FAF1: variants seen among roughly 807,000 people sequenced by gnomAD.
The protein encoded by FAF1 is FAS-associated factor 1.
FAF1 carries 25 observed loss-of-function variants against 92.5 expected under a neutral mutation model. The ratio of observed to expected loss-of-function variants is 0.27; its 90% CI spans 0.20 to 0.38. FAF1 has a LOEUF of 0.38. FAF1 is among the 10% of genes least tolerant of loss of function. The pLI, the probability that FAF1 is intolerant of heterozygous loss-of-function variation, is 1.00. For missense variants in FAF1, 636 were observed against 793.3 expected (o/e 0.80, Z 2.38); for synonymous variants, 234 against 273.2 (o/e 0.86, Z 1.42).
intron 1 of FAF1, among the ~76,000 whole-genome samples, chr1:50,919,473 G>A (rs914498740): frequency 4.6e-5 from 7 of 152,076 alleles, no homozygotes; most frequent in East Asian, 1.9e-4. Context: ...AAGGCTGCCG[G>A]GGGGTAAATA....
chr1:50,701,591 A>G (rs1657476870), intron 7 of FAF1, among the ~76,000 whole-genome samples: 1 of 152,118 alleles, frequency 6.6e-6, no homozygotes, highest in African/African-American at 2.4e-5. Context: ...GCAAGTTAAG[A>G]AAGTAGCAAG....
chr1:50,525,074 C>T (rs1261213970), intron 15 of FAF1, among the ~76,000 whole-genome samples: 1 of 152,068 alleles, frequency 6.6e-6, no homozygotes, highest in Non-Finnish European at 1.5e-5. Context: ...TTAATAGAAG[C>T]AGGGTTTCTC....
chr1:50,915,848 T>A (rs1020418888), intron 1 of FAF1, among the ~76,000 whole-genome samples: 1 of 152,076 alleles, frequency 6.6e-6, no homozygotes, highest in Non-Finnish European at 1.5e-5. Context: ...AAAGGTGAGA[T>A]CCACAGTCCC....
chr1:50,489,314 G>A (rs1205564289), intron 17 of FAF1, among the ~76,000 whole-genome samples: 1 of 152,240 alleles, frequency 6.6e-6, no homozygotes, highest in Admixed American at 6.5e-5. Context: ...CTTTGACTGA[G>A]AGTAATAACT....
chr1:50,712,850 C>T (rs1206067961), intron 6 of FAF1, among the ~76,000 whole-genome samples: 1 of 151,814 alleles, frequency 6.6e-6, no homozygotes, highest in Non-Finnish European at 1.5e-5. Flanking sequence ...ATGGTTAAGC[C>T]ACCTTGGAGC....
At chr1:50,944,120 A>T (rs1645155653) in intron 1 of FAF1, among the ~76,000 whole-genome samples, 1 of 152,212 alleles carries the variant, frequency 6.6e-6, no homozygotes, top group Admixed American at 6.5e-5. Flanking sequence ...ATGAGATGGG[A>T]GTAAAGAAGT....
chr1:50,958,827 G>C (rs1196692096), intron 1 of FAF1, among the ~76,000 whole-genome samples: 1 of 152,184 alleles, frequency 6.6e-6, no homozygotes, highest in Non-Finnish European at 1.5e-5. Flanking sequence ...AAAAAAGAGG[G>C]AAAAGTCTGC....
intron 7 of FAF1, among the ~76,000 whole-genome samples, chr1:50,689,989 ATTTCT>A (rs1318727215): frequency 1.6e-4 from 21 of 134,978 alleles, no homozygotes; most frequent in African/African-American, 5.5e-4. Flanking sequence ...ATTACATTAT[ATTTCT>A]TTTTTTTTTT....
intron 4 of FAF1, among the ~76,000 whole-genome samples, chr1:50,785,053 T>C (rs1270367563): frequency 7.7e-6 from 1 of 130,266 alleles, no homozygotes; most frequent in Non-Finnish European, 1.5e-5. Context: ...ATTAAAGACA[T>C]AAACATAAGA....
chr1:50,952,087 C>CTCTCCCTCTCCCCTTTCTACGGTCTCCA (rs1645218827), intron 1 of FAF1, among the ~76,000 whole-genome samples: 1 of 152,018 alleles, frequency 6.6e-6, no homozygotes, highest in Non-Finnish European at 1.5e-5. Flanking sequence ...AAATTTGGCC[C>CTCTCCCTCTCCCCTTTCTACGGTCTCCA]TCTCCCTCTC....
chr1:50,769,322 T>C (rs1319697449), intron 4 of FAF1, among the ~76,000 whole-genome samples: 1 of 152,070 alleles, frequency 6.6e-6, no homozygotes, highest in Admixed American at 6.6e-5. Flanking sequence ...AACCAGACAA[T>C]GCCCAGGACC....
At chr1:50,730,252 AT>A (rs1226182439) in intron 6 of FAF1, among the ~76,000 whole-genome samples, 2 of 152,022 alleles carry the variant, frequency 1.3e-5, no homozygotes, top group Non-Finnish European at 2.9e-5. Flanking sequence ...AAAGACATGG[AT>A]ATTTCATTGT....
At chr1:50,932,788 C>G (rs571750816) in intron 1 of FAF1, among the ~76,000 whole-genome samples, 5 of 152,356 alleles carry the variant, frequency 3.3e-5, no homozygotes, top group African/African-American at 1.2e-4. Context: ...TCCACGAGAG[C>G]CCCACCCCTG....
chr1:50,694,792 C>CAA (rs371721063), intron 7 of FAF1, among the ~76,000 whole-genome samples: 1,046 of 55,790 alleles, frequency 0.019, 5 homozygotes, highest in Middle Eastern at 0.12. Flanking sequence ...CTAAAAAATA[C>CAA]AAAAAAAAAA....
chr1:50,749,596 A>G (rs1021333068), intron 4 of FAF1, among the ~76,000 whole-genome samples: 4 of 152,186 alleles, frequency 2.6e-5, no homozygotes, highest in Non-Finnish European at 5.9e-5. Context: ...GACCAACATG[A>G]GCAACACAGC....
Position 50,831,655 on chromosome 1 carries a change from A to T in FAF1, c.114+26274T>A, listed in dbSNP as rs74080095. Among the ~76,000 whole-genome samples the T allele has an allele frequency of 7.7e-3, 1,178 of 152,278 alleles. 13 individuals are homozygous for T. The highest frequency in any genetic ancestry group is 0.027 in the African/African-American group (1,138 of 41,566). ...AGTAGCTTCCTATAGTGGGTTGAAT[A>T]GTGTGTCTAAAAAATTCATGTCTTT... On this transcript the variant is annotated intron_variant, in intron 2 of 18. Coordinates refer to ENST00000396153, the MANE Select transcript of FAF1 (RefSeq NM_007051.3).
At chr1:50,735,254 A>G (rs1031331093) in intron 6 of FAF1, among the ~76,000 whole-genome samples, 1 of 152,212 alleles carries the variant, frequency 6.6e-6, no homozygotes, top group African/African-American at 2.4e-5. Flanking sequence ...GTGATTTATA[A>G]TAGAATTTAT....
intron 7 of FAF1, among the ~76,000 whole-genome samples, chr1:50,665,149 T>A (rs1569714352): frequency 6.6e-6 from 1 of 152,330 alleles, no homozygotes. Flanking sequence ...ATTTTAGAAA[T>A]AACTGGAACA....
At chr1:50,531,203 C>T (rs1648147105) in intron 15 of FAF1, among the ~76,000 whole-genome samples, 2 of 152,150 alleles carry the variant, frequency 1.3e-5, no homozygotes, top group South Asian at 2.1e-4. Flanking sequence ...TTGAAATCTG[C>T]CCTGATCTCC....
Sources: gnomAD v4.1 joint callset for allele counts (sites outside exome capture counted in the v4.1 genomes callset) on GRCh38, gnomAD v4.1.1 for gene constraint, MANE v1.5 for transcripts, NCBI Gene and HGNC (gene_info 2026-07-23, HGNC 2026-07-21) for gene names.